The following PTPRD variants were observed in gnomAD, a reference collection of about 807,000 sequenced individuals.
The protein encoded by PTPRD is protein tyrosine phosphatase receptor type D.
Under a neutral mutation model 214.5 loss-of-function variants are expected in PTPRD, and 34 were observed. The ratio of observed to expected loss-of-function variants is 0.16; its 90% CI spans 0.12 to 0.21. The LOEUF is 0.21. Ranked by LOEUF, PTPRD falls within the 10% of genes least tolerant of loss-of-function variation. The pLI is 1.00. For missense variants in PTPRD, 2,545 were observed against 2,398.7 expected (o/e 1.06, Z -1.27); for synonymous variants, 1,128 against 845.7 (o/e 1.33, Z -5.79).
At chr9:10,588,033 T>G (rs553662599) in intron 2 of PTPRD, among the ~76,000 whole-genome samples, 1 of 152,082 alleles carries the variant, frequency 6.6e-6, no homozygotes, top group Non-Finnish European at 1.5e-5. Flanking sequence ...TAATTGATCA[T>G]AGAAGACAAT....
At chr9:10,049,441 A>AAAGAAAGAAAGAAAAG (rs1555515325) in intron 3 of PTPRD, among the ~76,000 whole-genome samples, 4,026 of 110,612 alleles carry the variant, frequency 0.036, 85 homozygotes, top group East Asian at 0.088. Context: ...GAAAGAAAAG[A>AAAGAAAGAAAGAAAAG]AAAAAAAAAA....
At chr9:10,272,422 T>C (rs2094471922) in intron 3 of PTPRD, among the ~76,000 whole-genome samples, 1 of 152,188 alleles carries the variant, frequency 6.6e-6, no homozygotes, top group Admixed American at 6.5e-5. Context: ...TACGTACAAA[T>C]TTTGGGGTGG....
At chr9:9,539,817 G>C (rs573698474) in intron 8 of PTPRD, among the ~76,000 whole-genome samples, 238 of 151,904 alleles carry the variant, frequency 1.6e-3, no homozygotes, top group African/African-American at 5.3e-3. Context: ...TAAACTCTAA[G>C]CACATAAAGG....
rs2097854265 is a variant in PTPRD, at chr9:10,383,227, A to C, written c.-599-42210T>G. ...TACCTTCTGTTCAGTTATTACAAAC[A>C]TTCTTATCAGATAAAATGTAACTGT... On this transcript the variant is annotated intron_variant, in intron 2 of 45. Coordinates refer to ENST00000381196, the MANE Select transcript of PTPRD (RefSeq NM_002839.4). Among the ~76,000 whole-genome samples, 3 of 152,050 alleles carry C rather than the reference A, an allele frequency of 2.0e-5. No individual in the cohort carries two copies. In the South Asian group the frequency reaches 6.2e-4, roughly 32 times the overall value.
chr9:8,992,332 A>C (rs1387671705), intron 11 of PTPRD, among the ~76,000 whole-genome samples: 1 of 152,124 alleles, frequency 6.6e-6, no homozygotes, highest in African/African-American at 2.4e-5. Flanking sequence ...ACATTATACT[A>C]CTAAAATAAA....
intron 11 of PTPRD, among the ~76,000 whole-genome samples, chr9:9,008,726 A>G (rs537240868): frequency 6.6e-6 from 1 of 152,286 alleles, no homozygotes; most frequent in African/African-American, 2.4e-5. Flanking sequence ...GGCATTTGCA[A>G]AGATTTTTAA....
chr9:8,569,541 C>G (rs1342815075), intron 14 of PTPRD, among the ~76,000 whole-genome samples: 1 of 152,062 alleles, frequency 6.6e-6, no homozygotes, highest in Non-Finnish European at 1.5e-5. Flanking sequence ...CCGTTCCCCT[C>G]AACAATTGGT....
At chr9:9,167,266 G>A (rs1206337492) in intron 10 of PTPRD, among the ~76,000 whole-genome samples, 1 of 151,406 alleles carries the variant, frequency 6.6e-6, no homozygotes, top group African/African-American at 2.4e-5. Flanking sequence ...TAACACTGAT[G>A]TGCTTCTTAT....
At chr9:8,382,637 A>G (rs892328333) in intron 37 of PTPRD, among the ~76,000 whole-genome samples, 1 of 152,192 alleles carries the variant, frequency 6.6e-6, no homozygotes, top group Non-Finnish European at 1.5e-5. Flanking sequence ...GAGAAAACCA[A>G]AAGTGTAGAA....
At chr9:8,792,550 T>C (rs1337525521) in intron 11 of PTPRD, among the ~76,000 whole-genome samples, 1 of 152,198 alleles carries the variant, frequency 6.6e-6, no homozygotes, top group Non-Finnish European at 1.5e-5. Context: ...AATCTAGCTT[T>C]TGGACTACTG....
chr9:8,835,180 T>C (rs2097389232), intron 11 of PTPRD, among the ~76,000 whole-genome samples: 1 of 152,220 alleles, frequency 6.6e-6, no homozygotes, highest in Admixed American at 6.5e-5. Flanking sequence ...GCTCCTGGCA[T>C]AGCTAGACAT....
chr9:10,393,338 G>C (rs1259207807), intron 2 of PTPRD, among the ~76,000 whole-genome samples: 1 of 151,564 alleles, frequency 6.6e-6, no homozygotes, highest in East Asian at 2.0e-4. Context: ...GAACCAAAGA[G>C]AGCAGAAGCT....
intron 2 of PTPRD, among the ~76,000 whole-genome samples, chr9:10,387,637 C>T (rs192445588): frequency 1.3e-5 from 2 of 151,748 alleles, no homozygotes; most frequent in Admixed American, 6.6e-5. Flanking sequence ...ATTACTTAAA[C>T]CATACTTTGT....
chr9:9,027,668 T>C (rs946977381), intron 10 of PTPRD, among the ~76,000 whole-genome samples: 1 of 151,932 alleles, frequency 6.6e-6, no homozygotes, highest in Admixed American at 6.6e-5. Flanking sequence ...AAAAGTCCTA[T>C]CACATATCAT....
intron 10 of PTPRD, among the ~76,000 whole-genome samples, chr9:9,103,944 C>T (rs1354704536): frequency 6.6e-6 from 1 of 152,144 alleles, no homozygotes; most frequent in African/African-American, 2.4e-5. Flanking sequence ...GATGTTGCCA[C>T]TGCACCCCAG....
chr9:8,871,536 G>C (rs2098298673), intron 11 of PTPRD, among the ~76,000 whole-genome samples: 1 of 152,156 alleles, frequency 6.6e-6, no homozygotes, highest in Non-Finnish European at 1.5e-5. Context: ...TGCTGAGGAA[G>C]AGTTTATATT....
intron 14 of PTPRD, among the ~76,000 whole-genome samples, chr9:8,611,558 A>T (rs1296953059): frequency 6.6e-6 from 1 of 151,986 alleles, no homozygotes; most frequent in African/African-American, 2.4e-5. Flanking sequence ...TACAAAAATT[A>T]GCAGGGCATG....
At chr9:10,506,363 C>T (rs865999534) in intron 2 of PTPRD, among the ~76,000 whole-genome samples, 1 of 152,198 alleles carries the variant, frequency 6.6e-6, no homozygotes, top group South Asian at 2.1e-4. Context: ...TGGTACCATA[C>T]TATTAGCCAA....
chr9:9,100,379 G>T (rs1362235988), intron 10 of PTPRD, among the ~76,000 whole-genome samples: 1 of 152,146 alleles, frequency 6.6e-6, no homozygotes, highest in Non-Finnish European at 1.5e-5. Flanking sequence ...TCTGAGAAGT[G>T]CTTTGAAAAT....
Sources: allele counts gnomAD v4.1 joint callset (sites outside exome capture counted in the v4.1 genomes callset), GRCh38; gene constraint gnomAD v4.1.1; transcripts MANE v1.5; gene names NCBI Gene and HGNC (gene_info 2026-07-23, HGNC 2026-07-21).